The following LY96 variants were observed in gnomAD, a reference collection of about 807,000 sequenced individuals.
LY96 encodes the protein lymphocyte antigen 96.
LY96 carries 18 observed loss-of-function variants against 18.9 expected under a neutral mutation model. That is an observed-to-expected ratio of 0.95 (90% CI 0.66 to 1.41). The LOEUF is 1.41. Among genes scored for constraint, LY96 ranks in the 40% most tolerant of loss-of-function variants. LY96 has a pLI of 0.00. For synonymous variants in LY96, 66 were observed against 62.6 expected (o/e 1.06, Z -0.26); for missense variants, 175 against 182.4 (o/e 0.96, Z 0.23).
chr8:74,036,795 C>T, the LY96 span, among the ~76,000 whole-genome samples: 4 of 152,188 alleles, frequency 2.6e-5, no homozygotes, highest in Admixed American at 2.6e-4. Context: ...CAATTGATTA[C>T]ACATTAAGCT....
At chr8:74,048,634 C>G in the LY96 span, 2 of 152,302 alleles carry the variant, frequency 1.3e-5, no homozygotes, top group African/African-American at 4.8e-5. Context: ...AGGAATTGCA[C>G]TCATTACTTT....
At chr8:74,015,400 C>G (rs1816620898) in intron 3 of LY96, among the ~76,000 whole-genome samples, 1 of 152,190 alleles carries the variant, frequency 6.6e-6, no homozygotes, top group Non-Finnish European at 1.5e-5. Flanking sequence ...TTCCAGGCCT[C>G]TCTCCTAGCT....
chr8:74,071,194 C>T, the LY96 span, among the ~76,000 whole-genome samples: 12,954 of 151,716 alleles, frequency 0.085, 960 homozygotes, highest in African/African-American at 0.21. Flanking sequence ...AGAAGCATTC[C>T]TTATAGGAGA....
chr8:74,057,056 C>CA, the LY96 span, among the ~76,000 whole-genome samples: 1 of 152,264 alleles, frequency 6.6e-6, no homozygotes, highest in Admixed American at 6.5e-5. Flanking sequence ...TCCTAGCTAA[C>CA]AAAAATGGCA....
chr8:74,063,626 GT>G, the LY96 span, among the ~76,000 whole-genome samples: 1 of 151,802 alleles, frequency 6.6e-6, no homozygotes, highest in African/African-American at 2.4e-5. Context: ...ACAATATTAA[GT>G]TTTTCTATAC....
the LY96 span, among the ~76,000 whole-genome samples, chr8:74,093,094 AT>A: frequency 6.6e-6 from 1 of 152,080 alleles, no homozygotes; most frequent in African/African-American, 2.4e-5. Flanking sequence ...GTCATTCTGG[AT>A]TTTCAGTTCC....
intron 4 of LY96, among the ~76,000 whole-genome samples, chr8:74,028,036 T>C (rs957433375): frequency 6.6e-6 from 1 of 152,212 alleles, no homozygotes; most frequent in Non-Finnish European, 1.5e-5. Context: ...TTCTTAGTTA[T>C]TTTGTTATGG....
chr8:74,030,697 G>A (rs1027317017), downstream of LY96, among the ~76,000 whole-genome samples: 1 of 151,866 alleles, frequency 6.6e-6, no homozygotes, highest in Non-Finnish European at 1.5e-5. Flanking sequence ...TCCAGACAAC[G>A]TAGCAGCTTC....
chr8:74,008,972 T>G (rs1436876930), intron 2 of LY96, among the ~76,000 whole-genome samples: 1 of 152,194 alleles, frequency 6.6e-6, no homozygotes, highest in Non-Finnish European at 1.5e-5. Context: ...CTGTTAAGCA[T>G]AGCCAAGTTC....
the LY96 span, among the ~76,000 whole-genome samples, chr8:74,063,151 C>G: frequency 6.6e-6 from 1 of 152,150 alleles, no homozygotes; most frequent in Non-Finnish European, 1.5e-5. Context: ...AAGGTCTCAG[C>G]TCCTTGTAAC....
chr8:74,088,083 A>AAGAAT, the LY96 span, among the ~76,000 whole-genome samples: 24,540 of 120,150 alleles, frequency 0.2, 3,474 homozygotes, highest in Middle Eastern at 0.25. Flanking sequence ...TCACTGAGAG[A>AAGAAT]AGAATAGAAT....
the LY96 span, among the ~76,000 whole-genome samples, chr8:74,035,336 C>T: frequency 6.6e-6 from 1 of 152,078 alleles, no homozygotes; most frequent in Non-Finnish European, 1.5e-5. Flanking sequence ...TTGACTAAGT[C>T]CCTTGGCCAT....
At chr8:74,098,743 G>C in the LY96 span, among the ~76,000 whole-genome samples, 2 of 152,120 alleles carry the variant, frequency 1.3e-5, no homozygotes, top group Admixed American at 1.3e-4. Context: ...GACAGCAGCT[G>C]GTCTATTATT....
At chr8:74,073,640 AATTTATTTATTTATTTATTT>A in the LY96 span, among the ~76,000 whole-genome samples, 55 of 145,372 alleles carry the variant, frequency 3.8e-4, 1 homozygote, top group South Asian at 5.1e-3. Flanking sequence ...GAGATTGATG[AATTTATTTATTTATTTATTT>A]ATTTATTTAT....
the LY96 span, among the ~76,000 whole-genome samples, chr8:74,089,901 A>AGGCC: frequency 6.6e-6 from 1 of 152,114 alleles, no homozygotes; most frequent in East Asian, 1.9e-4. Flanking sequence ...ATCCAAGCAA[A>AGGCC]GGCCCCGTGG....
chr8:74,063,109 C>T, the LY96 span, among the ~76,000 whole-genome samples: 1 of 152,166 alleles, frequency 6.6e-6, no homozygotes, highest in South Asian at 2.1e-4. Flanking sequence ...GAATCTGCTT[C>T]CAAGATGGCT....
chr8:74,040,272 T>C, the LY96 span, among the ~76,000 whole-genome samples: 1 of 152,220 alleles, frequency 6.6e-6, no homozygotes, highest in Admixed American at 6.5e-5. Context: ...ATCTAACTAT[T>C]TTCTTTATTA....
chr8:74,084,229 G>A, the LY96 span, among the ~76,000 whole-genome samples: 1 of 152,156 alleles, frequency 6.6e-6, no homozygotes, highest in Non-Finnish European at 1.5e-5. Flanking sequence ...GTGGTAGTGT[G>A]TGTACTTCTA....
the LY96 span, among the ~76,000 whole-genome samples, chr8:74,063,873 T>C: frequency 1.3e-5 from 2 of 152,192 alleles, no homozygotes; most frequent in Non-Finnish European, 2.9e-5. Flanking sequence ...TTTTGGATTG[T>C]TTATACAGTC....
Sources: gnomAD v4.1 joint callset for allele counts (sites outside exome capture counted in the v4.1 genomes callset) on GRCh38, gnomAD v4.1.1 for gene constraint, MANE v1.5 for transcripts, NCBI Gene and HGNC (gene_info 2026-07-23, HGNC 2026-07-21) for gene names.